Variants in PYGB observed in about 807,000 individuals in gnomAD.
The protein encoded by PYGB is glycogen phosphorylase B, also known as glycogen phosphorylase, brain form.
PYGB carries 82 observed loss-of-function variants against 94.3 expected under a neutral mutation model. The ratio of observed to expected loss-of-function variants is 0.87; its 90% confidence interval spans 0.73 to 1.04. The LOEUF (loss-of-function observed/expected upper bound fraction) is 1.04, where lower values mean the gene tolerates loss of function less well. Ranked by LOEUF, PYGB falls within the 50% of genes least tolerant of loss-of-function variation. The pLI, the probability that PYGB is intolerant of heterozygous loss-of-function variation, is 0.00. For missense variants in PYGB, 1,132 were observed against 1,158.2 expected (o/e 0.98, Z 0.33); for synonymous variants, 488 against 479.1 (o/e 1.02, Z -0.24).
chr20:25,284,273 A>G, intron 14 of PYGB, 22 bp downstream of exon 14: 1 of 1,607,268 alleles, frequency 6.2e-7, no homozygotes, highest in Non-Finnish European at 8.5e-7. Context: ...CATCACCTGC[A>G]TGACCGCGCT....
Position 25,248,428 on chromosome 20 carries a change from C to T in PYGB, c.243+7C>T, listed in dbSNP as rs1390448805. 1 of 1,491,010 alleles carries T rather than the reference C, an allele frequency of 6.7e-7. No individual in the cohort carries two copies. Among genetic ancestry groups the T allele is most frequent in the Non-Finnish European group, 9.0e-7 (1 of 1,115,144 alleles). The allele number at this position is 1,491,010 out of a possible 1,614,324, so 92.4% of individuals were successfully genotyped here. ...CTACGAGCGCGACCCCAAGGTGAGG[C>T]GCTGCCCCGCCCTGTGCGCCCGTGC... On this transcript the variant is annotated splice_region_variant and intron_variant, in intron 1 of 19. Coordinates refer to ENST00000216962, the MANE Select transcript of PYGB (RefSeq NM_002862.4).
chr20:25,272,978 G>C (rs1041119598), intron 4 of PYGB, among the ~76,000 whole-genome samples: 1 of 152,228 alleles, frequency 6.6e-6, no homozygotes, highest in Admixed American at 6.5e-5. Context: ...TGTAACTCTT[G>C]CAACTTTGTG....
chr20:25,271,938 T>A lies in PYGB; in HGVS notation c.528+452T>A, dbSNP rs139679401. On this transcript the variant is annotated intron_variant, in intron 4 of 19. Coordinates refer to ENST00000216962, the MANE Select transcript of PYGB (RefSeq NM_002862.4). ...TTTTGCTCCCACCTTCTCCCTTCAC[T>A]CCCTGACCCCAGTGAGGGGACAGTG... 4.7e-4 allele frequency among the ~76,000 whole-genome samples: 71 copies of A among 152,256 alleles called. No individual in the cohort carries two copies. The East Asian group carries it at 0.013, about 28-fold the overall frequency.
chr20:25,252,498 A>G (rs2092890858), intron 1 of PYGB, among the ~76,000 whole-genome samples: 1 of 152,340 alleles, frequency 6.6e-6, no homozygotes, highest in African/African-American at 2.4e-5. Context: ...TCCACCCCAG[A>G]TGTCAGTTGC....
At chr20:25,253,745 TAC>T (rs1480541148) in intron 1 of PYGB, among the ~76,000 whole-genome samples, 3 of 152,210 alleles carry the variant, frequency 2.0e-5, no homozygotes, top group Non-Finnish European at 4.4e-5. Flanking sequence ...GCAAGAATAA[TAC>T]AGAGATTTCT....
intron 18 of PYGB, chr20:25,294,803 TAG>T: frequency 2.7e-6 from 2 of 732,530 alleles, no homozygotes; most frequent in Non-Finnish European, 5.0e-6. Flanking sequence ...ATGGTTTATC[TAG>T]AGTTACAGAC....
chr20:25,286,073 G>A (rs532996445), intron 14 of PYGB, among the ~76,000 whole-genome samples: 2 of 152,316 alleles, frequency 1.3e-5, no homozygotes, highest in East Asian at 1.9e-4. Flanking sequence ...GAAGTCTGGC[G>A]ATGTCTGAGT....
chr20:25,295,667 C>G lies in PYGB; in HGVS notation c.2376C>G (p.Tyr792Ter). Reference sequence around the variant, plus strand: ...GCCAGGCACAGGTGGACCAGCTGTACCGGGTGAGGCTCCTGGGTCCAGAGG... The same window carrying G: ...GCCAGGCACAGGTGGACCAGCTGTAGCGGGTGAGGCTCCTGGGTCCAGAGG... ...MQCQAQVDQL[Y>*]RNPKEWTKKV... is the part of the protein sequence containing the mutation. The change falls in exon 19 of 20, where the codon TAC becomes TAG. Residue 792 changes from tyrosine (Y) to a stop codon, truncating the protein, a stop_gained. Transcript: ENST00000216962. LOFTEE classifies it high-confidence loss of function. 6.2e-7 allele frequency: 1 copy of G among 1,613,000 alleles called. No individual in the cohort carries two copies. The highest frequency in any genetic ancestry group is 8.5e-7 in the Non-Finnish European group (1 of 1,179,044).
At chr20:25,286,843 C>G (rs926567516) in intron 14 of PYGB, among the ~76,000 whole-genome samples, 1 of 152,246 alleles carries the variant, frequency 6.6e-6, no homozygotes, top group East Asian at 1.9e-4. Flanking sequence ...ATGACCCTGT[C>G]CCCTGCCCAC....
chr20:25,266,165 A>T (rs779273918), intron 2 of PYGB, among the ~76,000 whole-genome samples: 1 of 152,022 alleles, frequency 6.6e-6, no homozygotes, highest in African/African-American at 2.4e-5. Flanking sequence ...GTATCTTTTG[A>T]TTCACAAAAG....
At chr20:25,278,507 G>A (rs777721675) in intron 8 of PYGB, 45 bp downstream of exon 8, 63 of 1,606,294 alleles carry the variant, frequency 3.9e-5, no homozygotes, top group East Asian at 1.8e-4. Flanking sequence ...GGGGCTGGGC[G>A]CCTTCAGGCT....
At chr20:25,255,217 G>A (rs2092899720) in intron 1 of PYGB, among the ~76,000 whole-genome samples, 1 of 152,246 alleles carries the variant, frequency 6.6e-6, no homozygotes, top group Non-Finnish European at 1.5e-5. Context: ...CTCAGACACA[G>A]TGGAGTGGAC....
chr20:25,294,649 G>A (rs2088511554), intron 18 of PYGB: 1 of 559,300 alleles, frequency 1.8e-6, no homozygotes, highest in Non-Finnish European at 3.2e-6. Flanking sequence ...AACTCCCTGG[G>A]GTGGGGTAGG....
At chr20:25,270,043 C>T (rs1043308220) in intron 3 of PYGB, among the ~76,000 whole-genome samples, 67 of 152,152 alleles carry the variant, frequency 4.4e-4, no homozygotes, top group Non-Finnish European at 9.1e-4. Flanking sequence ...CAGGCGAGTC[C>T]CCAGAACAAG....
In PYGB at chr20:25,269,091, G is replaced by A. The variant is rs775329240; in HGVS notation, c.346-38G>A. The A allele has an allele frequency of 2.1e-5, 31 of 1,492,346 alleles. No homozygotes were observed. The South Asian group carries it at 3.5e-4, about 17-fold the overall frequency. 92.4% of individuals were successfully genotyped at this position (1,492,346 alleles called of 1,614,324 possible). On this transcript the variant is annotated intron_variant, in intron 2 of 19. Coordinates refer to ENST00000216962, the MANE Select transcript of PYGB (RefSeq NM_002862.4). ...AGCCTGTCATTCAAGGGAAAATATTGAGTAACATTAAAATGCTGCCTGTGT... is the reference window on the plus strand; with the variant it reads ...AGCCTGTCATTCAAGGGAAAATATTAAGTAACATTAAAATGCTGCCTGTGT...
intron 4 of PYGB, 86 bp downstream of exon 4, chr20:25,271,572 TC>T: frequency 7.0e-7 from 1 of 1,425,690 alleles, no homozygotes; most frequent in Non-Finnish European, 9.9e-7. Flanking sequence ...TTTTTATACT[TC>T]CCACGCCCCC....
intron 18 of PYGB, chr20:25,295,051 T>C (rs376736421): frequency 2.5e-6 from 4 of 1,613,620 alleles, no homozygotes; most frequent in Non-Finnish European, 2.5e-6. Context: ...GGAAGTGCTT[T>C]TAAAATTGTG....
chr20:25,259,687 C>T (rs1047939373), intron 2 of PYGB, among the ~76,000 whole-genome samples: 1 of 152,198 alleles, frequency 6.6e-6, no homozygotes, highest in Non-Finnish European at 1.5e-5. Flanking sequence ...AACTGCTAAC[C>T]CATGTCTGGT....
Position 25,297,270 on chromosome 20 carries a change from G to C in PYGB, c.*748G>C, listed in dbSNP as rs1600751648. On this transcript the variant is annotated 3_prime_UTR_variant, in exon 20 of 20. Transcript: ENST00000216962. ...AAGTTGGCTGACACAGCTTAGCTTG[G>C]TTTTGCTTATTCAAAAGAGAAAATA... 6.6e-6 allele frequency: 1 copy of C among 152,264 alleles called. No individual in the cohort carries two copies. Among genetic ancestry groups the C allele is most frequent in the South Asian group, 2.1e-4 (1 of 4,838 alleles). The allele number at this position is 152,264 out of a possible 1,614,324, so 9.4% of individuals were successfully genotyped here. A position where few individuals can be genotyped will look rare whatever the true frequency, so the allele number is the denominator to read the frequency against.
Sources: gnomAD v4.1 joint callset for allele counts (sites outside exome capture counted in the v4.1 genomes callset) on GRCh38, gnomAD v4.1.1 for gene constraint, MANE v1.5 for transcripts, NCBI Gene and HGNC (gene_info 2026-07-23, HGNC 2026-07-21) for gene names.